Variants in RANBP2 observed in about 807,000 individuals in gnomAD.
RANBP2 encodes the protein E3 SUMO-protein ligase RanBP2.
In RANBP2, 57 loss-of-function variants were observed where a neutral mutation model predicts 303.6. The ratio of observed to expected loss-of-function variants is 0.19; its 90% CI spans 0.15 to 0.23. The LOEUF is 0.23. Ranked by LOEUF, RANBP2 falls within the 10% of genes least tolerant of loss-of-function variation. The pLI, the probability that RANBP2 is intolerant of heterozygous loss-of-function variation, is 1.00. For synonymous variants in RANBP2, 1,167 were observed against 1,301.5 expected, an observed-to-expected ratio of 0.90 and a Z score of 2.23; for missense variants, 3,138 against 3,780.8, an observed-to-expected ratio of 0.83 and a Z score of 4.46.
At chr2:109,730,693 C>T in the RANBP2 span, among the ~76,000 whole-genome samples, 1 of 151,474 alleles carries the variant, frequency 6.6e-6, no homozygotes, top group Non-Finnish European at 1.5e-5. Context: ...TGGTGACAGT[C>T]CTCTTCTGGG....
the RANBP2 span, chr2:109,553,260 A>G: frequency 1.2e-6 from 2 of 1,608,832 alleles, no homozygotes; most frequent in South Asian, 1.1e-5. Context: ...AAAAAGTGAT[A>G]TAGGTCGGGT....
chr2:109,483,431 G>T, the RANBP2 span, among the ~76,000 whole-genome samples: 1 of 152,164 alleles, frequency 6.6e-6, no homozygotes, highest in Non-Finnish European at 1.5e-5. Flanking sequence ...TCGGTGCCCA[G>T]CAAGAAAAGG....
At chr2:109,077,067 A>T in the RANBP2 span, among the ~76,000 whole-genome samples, 1 of 150,654 alleles carries the variant, frequency 6.6e-6, no homozygotes, top group Admixed American at 6.6e-5. Context: ...GGAACAAAAT[A>T]GCCCCAAAAT....
the RANBP2 span, among the ~76,000 whole-genome samples, chr2:109,407,406 A>T: frequency 6.6e-6 from 1 of 152,232 alleles, no homozygotes; most frequent in Non-Finnish European, 1.5e-5. Flanking sequence ...TTTAAAATGC[A>T]TCACCACCTG....
chr2:109,657,513 A>G, the RANBP2 span, among the ~76,000 whole-genome samples: 1 of 152,162 alleles, frequency 6.6e-6, no homozygotes, highest in African/African-American at 2.4e-5. Context: ...GATGTTCCCA[A>G]CCATGTTTTC....
chr2:108,828,069 A>G, the RANBP2 span, among the ~76,000 whole-genome samples: 3 of 152,150 alleles, frequency 2.0e-5, no homozygotes, highest in African/African-American at 7.2e-5. Context: ...AAATCAATGG[A>G]GGAAAATAGG....
chr2:109,078,073 G>T, the RANBP2 span, among the ~76,000 whole-genome samples: 1 of 25,866 alleles, frequency 3.9e-5, no homozygotes, highest in African/African-American at 1.6e-4. Context: ...TCCATTGACA[G>T]ATGAATATAT....
the RANBP2 span, among the ~76,000 whole-genome samples, chr2:109,461,383 C>T: frequency 1.3e-5 from 2 of 151,940 alleles, no homozygotes; most frequent in African/African-American, 4.8e-5. Context: ...TCCTAAAGAC[C>T]TGCGCGGTGA....
At chr2:109,677,546 C>T in the RANBP2 span, among the ~76,000 whole-genome samples, 2 of 152,126 alleles carry the variant, frequency 1.3e-5, no homozygotes, top group Non-Finnish European at 1.5e-5. Context: ...CTGTATGGGT[C>T]GCCAGAGGTA....
chr2:109,607,483 C>T, the RANBP2 span, among the ~76,000 whole-genome samples: 1 of 151,950 alleles, frequency 6.6e-6, no homozygotes, highest in Non-Finnish European at 1.5e-5. Flanking sequence ...CTTGGGAGGA[C>T]AAAAATAAAT....
At chr2:109,178,054 G>A in the RANBP2 span, among the ~76,000 whole-genome samples, 8 of 152,064 alleles carry the variant, frequency 5.3e-5, no homozygotes, top group Non-Finnish European at 1.0e-4. Flanking sequence ...CTTTGCTAAG[G>A]TATAAGCAAA....
the RANBP2 span, among the ~76,000 whole-genome samples, chr2:109,687,765 C>G: frequency 7.1e-5 from 9 of 127,026 alleles, no homozygotes; most frequent in South Asian, 2.7e-4. Context: ...TTTTTTGAAA[C>G]AGGGTCTGAC....
At chr2:109,196,321 G>T in the RANBP2 span, among the ~76,000 whole-genome samples, 4 of 152,178 alleles carry the variant, frequency 2.6e-5, no homozygotes, top group Non-Finnish European at 5.9e-5. Flanking sequence ...AGCTCCCCTG[G>T]CCCCAAGGCC....
chr2:109,504,063 C>T, the RANBP2 span: 2 of 152,236 alleles, frequency 1.3e-5, no homozygotes, highest in African/African-American at 4.8e-5. Context: ...GGCCCATGTG[C>T]ATTTCTGAGT....
downstream of RANBP2, chr2:108,786,745 G>A (rs1675113844): frequency 2.2e-6 from 3 of 1,352,370 alleles, no homozygotes; most frequent in South Asian, 2.5e-5. Context: ...CTGGCACGTC[G>A]TGACGCACTG....
At chr2:109,351,181 G>A in the RANBP2 span, among the ~76,000 whole-genome samples, 1 of 152,236 alleles carries the variant, frequency 6.6e-6, no homozygotes, top group Non-Finnish European at 1.5e-5. Context: ...AGGAAGAGCT[G>A]TGGGCCCAGC....
At chr2:109,009,711 G>T in the RANBP2 span, among the ~76,000 whole-genome samples, 48,723 of 102,900 alleles carry the variant, frequency 0.47, 11,968 homozygotes, top group East Asian at 0.91. Context: ...CCTTTTTTTT[G>T]TTTTTTTTTT....
At chr2:109,135,454 C>T in the RANBP2 span, among the ~76,000 whole-genome samples, 145 of 152,328 alleles carry the variant, frequency 9.5e-4, no homozygotes, top group African/African-American at 3.2e-3. Flanking sequence ...GGGATGCTAT[C>T]TGCTTCTTAG....
chr2:109,297,892 G>A, the RANBP2 span, among the ~76,000 whole-genome samples: 1 of 151,916 alleles, frequency 6.6e-6, no homozygotes, highest in Non-Finnish European at 1.5e-5. Flanking sequence ...ATGGGTCAGT[G>A]CCCACAACCA....
Sources: gnomAD v4.1 joint callset for allele counts (sites outside exome capture counted in the v4.1 genomes callset) on GRCh38, gnomAD v4.1.1 for gene constraint, MANE v1.5 for transcripts, NCBI Gene and HGNC (gene_info 2026-07-23, HGNC 2026-07-21) for gene names.